The following HTRA1 variants were observed in gnomAD, a reference collection of about 807,000 sequenced individuals.
HTRA1 encodes HtrA serine peptidase 1, also known as serine protease HTRA1.
A neutral mutation model predicts 49.7 loss-of-function variants in HTRA1; 26 were observed. The ratio of observed to expected loss-of-function variants is 0.52; its 90% CI spans 0.38 to 0.73. HTRA1 has a LOEUF of 0.73. Ranked by LOEUF, HTRA1 falls within the 30% of genes least tolerant of loss-of-function variation. The pLI, the probability that HTRA1 is intolerant of heterozygous loss-of-function variation, is 0.00. For missense variants in HTRA1, 561 were observed against 667.2 expected (o/e 0.84, Z 1.75); for synonymous variants, 291 against 286.9 (o/e 1.01, Z -0.14).
intron 1 of HTRA1, among the ~76,000 whole-genome samples, chr10:122,462,336 C>T (rs548006455): frequency 6.6e-6 from 1 of 152,366 alleles, no homozygotes; most frequent in Non-Finnish European, 1.5e-5. Flanking sequence ...GGTTCTGCGC[C>T]CAGACGATGC....
intron 6 of HTRA1, among the ~76,000 whole-genome samples, chr10:122,508,978 C>T (rs1355376561): frequency 6.6e-6 from 1 of 152,214 alleles, no homozygotes; most frequent in African/African-American, 2.4e-5. Context: ...ATGGCAATGT[C>T]ACTTGAGTCA....
At chr10:122,508,415 C>T (rs960542858) in intron 5 of HTRA1, among the ~76,000 whole-genome samples, 1 of 152,212 alleles carries the variant, frequency 6.6e-6, no homozygotes, top group African/African-American at 2.4e-5. Context: ...CTGTGCTTAC[C>T]GTGAGGTGAG....
At position 122,513,619 on chromosome 10, in the gene HTRA1, A is replaced by AC. The variant is rs1328360258; in HGVS notation, c.1275-568dup. On this transcript the variant is annotated intron_variant, in intron 8 of 8. Transcript: ENST00000368984. The stretch of plus-strand genomic sequence containing the variant: ...GAGACTAGCTTGGGCAACAATTGAG[A>AC]CCCCATCTCAAAAAAAAAAAAAAAA... Among the ~76,000 whole-genome samples the AC allele has an allele frequency of 2.4e-4, 24 of 99,292 alleles. No individual in the cohort carries two copies. The East Asian group carries it at 7.5e-3, about 31-fold the overall frequency. The allele number at this position is 99,292 out of a possible 152,430, so 65.1% of individuals were successfully genotyped here. A position where few individuals can be genotyped will look rare whatever the true frequency, so the allele number is the denominator to read the frequency against.
At chr10:122,505,236 G>T (rs1199878189) in intron 3 of HTRA1, among the ~76,000 whole-genome samples, 2 of 152,146 alleles carry the variant, frequency 1.3e-5, no homozygotes, top group Admixed American at 1.3e-4. Flanking sequence ...CCAGGTGTGT[G>T]CTCTTGACCA....
Position 122,467,859 on chromosome 10 carries a change from T to A in HTRA1, c.472+5735T>A, listed in dbSNP as rs546048854. ...TCTGAATGTGTTTCCAAAAGGCTCC[T>A]GGAAGTGGCATGGAAGTTACAGTGA... On this transcript the variant is annotated intron_variant, in intron 1 of 8. Transcript: ENST00000368984. Among the ~76,000 whole-genome samples the A allele has an allele frequency of 2.6e-3, 389 of 152,210 alleles. 2 individuals carry two copies. The highest frequency in any genetic ancestry group is 0.014 in the South Asian group (65 of 4,806).
Position 122,489,594 on chromosome 10 carries a change from G to A in HTRA1, c.745G>A (p.Ala249Thr). The change falls in exon 3 of 9, where the codon GCA becomes ACA. Residue 249 changes from alanine (A) to threonine (T), a missense_variant. Physicochemically the swap from Ala to Thr is moderately conservative, Grantham distance 58. Transcript: ENST00000368984. ...CAAAATCAAGGATGTGGATGAGAAAGCAGACATCGCACTCATCAAAATTGA... is the reference window on the plus strand; with the variant it reads ...CAAAATCAAGGATGTGGATGAGAAAACAGACATCGCACTCATCAAAATTGA... Reference protein sequence around the residue: ...EAKIKDVDEKADIALIKIDHQ... With the variant: ...EAKIKDVDEKTDIALIKIDHQ... The A allele has an allele frequency of 1.2e-6, 2 of 1,613,994 alleles. No homozygotes were observed. Among genetic ancestry groups the A allele is most frequent in the Non-Finnish European group, 1.7e-6 (2 of 1,179,994 alleles).
chr10:122,464,656 T>C lies in HTRA1; in HGVS notation c.472+2532T>C, dbSNP rs1051994882. Among the ~76,000 whole-genome samples, 1 of 152,202 alleles carries C rather than the reference T, an allele frequency of 6.6e-6. No individual in the cohort carries two copies. The highest frequency in any genetic ancestry group is 1.5e-5 in the Non-Finnish European group (1 of 68,042). The stretch of plus-strand genomic sequence containing the variant: ...TGCGCCCCCTCTCTGGATCTCACAC[T>C]CCACCCTTGACTTTTCGGAGGTGTT... On this transcript the variant is annotated intron_variant, in intron 1 of 8. Transcript: ENST00000368984. This position sits in a 1 kb window ranked among gnomAD's most constrained non-coding sequence, Gnocchi z 4.8.
At chr10:122,462,292 C>T (rs1363180194) in intron 1 of HTRA1, among the ~76,000 whole-genome samples, 168 bp downstream of exon 1, 11 of 152,250 alleles carry the variant, frequency 7.2e-5, no homozygotes, top group Non-Finnish European at 1.3e-4. Flanking sequence ...CCGCGGGCTG[C>T]CTCGGAACCG....
chr10:122,492,757 A>C (rs1473535353), intron 3 of HTRA1, among the ~76,000 whole-genome samples: 1 of 152,142 alleles, frequency 6.6e-6, no homozygotes, highest in Admixed American at 6.5e-5. Flanking sequence ...TCACATGTCC[A>C]TCATCGGACA....
intron 3 of HTRA1, among the ~76,000 whole-genome samples, chr10:122,499,535 G>A (rs547973372): frequency 6.6e-6 from 1 of 152,234 alleles, no homozygotes; most frequent in South Asian, 2.1e-4. Flanking sequence ...GTTCATCTGA[G>A]TCCACAGTCC....
At chr10:122,496,230 T>G (rs988861577) in intron 3 of HTRA1, among the ~76,000 whole-genome samples, 1 of 63,500 alleles carries the variant, frequency 1.6e-5, no homozygotes, top group African/African-American at 5.6e-5. Context: ...TGTGGGTTCT[T>G]TTTTTTTTTT....
At chr10:122,505,544 T>C (rs2097502682) in intron 3 of HTRA1, among the ~76,000 whole-genome samples, 1 of 152,154 alleles carries the variant, frequency 6.6e-6, no homozygotes, top group South Asian at 2.1e-4. Flanking sequence ...ATCTGTTAAA[T>C]GGGCATGGTG....
chr10:122,507,237 A>G (rs2097503442), intron 4 of HTRA1, 133 bp from the exon 5 acceptor site: 19 of 783,994 alleles, frequency 2.4e-5, no homozygotes, highest in Non-Finnish European at 4.3e-5. Flanking sequence ...ATATTAGGTT[A>G]ATGGGAATGA....
intron 1 of HTRA1, among the ~76,000 whole-genome samples, chr10:122,484,842 CAGAA>C (rs1420172449): frequency 2.0e-5 from 3 of 152,178 alleles, no homozygotes; most frequent in African/African-American, 7.2e-5. Context: ...GACGAGGAAA[CAGAA>C]AGAAGGAGCA....
intron 3 of HTRA1, among the ~76,000 whole-genome samples, chr10:122,499,356 T>G (rs1227525282): frequency 5.9e-5 from 9 of 152,190 alleles, no homozygotes; most frequent in Non-Finnish European, 1.2e-4. Flanking sequence ...TTGTGATAGG[T>G]CGAGAGAGAC....
chr10:122,481,866 T>C (rs1054840954), intron 1 of HTRA1, among the ~76,000 whole-genome samples: 3 of 152,166 alleles, frequency 2.0e-5, no homozygotes, highest in African/African-American at 7.2e-5. Flanking sequence ...ACTGCTGCCA[T>C]CCATGTAAGA....
At position 122,487,108 on chromosome 10, in the gene HTRA1, A is replaced by T. The variant is rs184608188; in HGVS notation, c.473-1794A>T. 2.6e-5 allele frequency among the ~76,000 whole-genome samples: 4 copies of T among 152,340 alleles called. No individual in the cohort carries two copies. The highest frequency in any genetic ancestry group is 2.6e-4 in the Admixed American group (4 of 15,310). Reference sequence around the variant, plus strand: ...CCCCAGTTACTCATTTTTCAGTGCAACAGACATAAGATTACCATGTGAAAT... The same window carrying T: ...CCCCAGTTACTCATTTTTCAGTGCATCAGACATAAGATTACCATGTGAAAT... On this transcript the variant is annotated intron_variant, in intron 1 of 8. Coordinates refer to ENST00000368984, the MANE Select transcript of HTRA1 (RefSeq NM_002775.5). This position sits in a 1 kb window ranked among gnomAD's most constrained non-coding sequence, Gnocchi z 4.8.
chr10:122,506,563 G>A lies in HTRA1; in HGVS notation c.778-128G>A. On this transcript the variant is annotated intron_variant, in intron 3 of 8. Transcript: ENST00000368984. The surrounding 1 kb of genome is among the most constrained non-coding windows in gnomAD (Gnocchi z 5.2). ...CAAAGGGATGTTAGTTGTGAGCTCA[G>A]TTCCCCACCGGGCCTGGTGTTTCCA... 1.3e-6 allele frequency: 1 copy of A among 799,236 alleles called. No individual in the cohort carries two copies. The highest frequency in any genetic ancestry group is 1.9e-5 in the Admixed American group (1 of 52,704). 49.5% of individuals were successfully genotyped at this position (799,236 alleles called of 1,614,324 possible). A position where few individuals can be genotyped will look rare whatever the true frequency, so the allele number is the denominator to read the frequency against.
At chr10:122,510,226 C>T (rs943177525) in intron 7 of HTRA1, 73 bp downstream of exon 7, 27 of 1,257,362 alleles carry the variant, frequency 2.1e-5, no homozygotes, top group Non-Finnish European at 3.0e-5. Flanking sequence ...TCACGGGCAC[C>T]CCTGAAAGAG....
Sources: allele counts gnomAD v4.1 joint callset (sites outside exome capture counted in the v4.1 genomes callset), GRCh38; gene constraint gnomAD v4.1.1; non-coding constraint Gnocchi (gnomAD v3.1); transcripts MANE v1.5; gene names NCBI Gene and HGNC (gene_info 2026-07-23, HGNC 2026-07-21).